Variants in BANK1 observed in about 807,000 individuals in gnomAD.
BANK1 encodes the protein B cell scaffold protein with ankyrin repeats 1.
A neutral mutation model predicts 94.5 loss-of-function variants in BANK1; 95 were observed. That is an observed-to-expected ratio of 1.00 (90% CI 0.85 to 1.19). The LOEUF (loss-of-function observed/expected upper bound fraction) is 1.19. Ranked by LOEUF, BANK1 falls within the 50% of genes most tolerant of loss-of-function variation. BANK1 has a pLI of 0.00. For missense variants in BANK1, 987 were observed against 932.2 expected (o/e 1.06, Z -0.77); for synonymous variants, 334 against 308.4 (o/e 1.08, Z -0.87).
At chr4:101,848,865 T>G (rs1269220041) in intron 2 of BANK1, among the ~76,000 whole-genome samples, 1 of 152,162 alleles carries the variant, frequency 6.6e-6, no homozygotes, top group Non-Finnish European at 1.5e-5. Flanking sequence ...AGTCTCTCAT[T>G]CCAGGATCTT....
At chr4:101,816,765 CA>C (rs1268098948) in intron 1 of BANK1, among the ~76,000 whole-genome samples, 1 of 152,056 alleles carries the variant, frequency 6.6e-6, no homozygotes, top group Non-Finnish European at 1.5e-5. Context: ...TTCTTACAAC[CA>C]AATTATAATT....
chr4:101,955,652 A>G (rs985191683), intron 7 of BANK1, among the ~76,000 whole-genome samples: 11 of 152,194 alleles, frequency 7.2e-5, no homozygotes, highest in Admixed American at 2.0e-4. Context: ...TGTCTCTTTA[A>G]TGATTGTTTC....
At chr4:102,003,954 C>T (rs1726163938) in intron 7 of BANK1, among the ~76,000 whole-genome samples, 1 of 150,710 alleles carries the variant, frequency 6.6e-6, no homozygotes, top group South Asian at 2.1e-4. Flanking sequence ...TATATACACA[C>T]ATATATGTGT....
intron 2 of BANK1, among the ~76,000 whole-genome samples, chr4:101,843,964 C>T (rs1415754250): frequency 6.6e-6 from 1 of 152,042 alleles, no homozygotes; most frequent in African/African-American, 2.4e-5. Context: ...TATATGGCTA[C>T]AAGAATAATT....
intron 6 of BANK1, among the ~76,000 whole-genome samples, chr4:101,899,264 A>G (rs1366326461): frequency 6.6e-6 from 1 of 152,154 alleles, no homozygotes; most frequent in Non-Finnish European, 1.5e-5. Flanking sequence ...ACACATCATC[A>G]TTAAGTAAAC....
At chr4:101,847,989 C>T (rs1303586556) in intron 2 of BANK1, among the ~76,000 whole-genome samples, 7 of 152,156 alleles carry the variant, frequency 4.6e-5, no homozygotes, top group Non-Finnish European at 8.8e-5. Context: ...CCTTTGGCGC[C>T]AGCGAGGAAT....
intron 5 of BANK1, among the ~76,000 whole-genome samples, chr4:101,884,406 T>G (rs975099795): frequency 6.6e-6 from 1 of 152,190 alleles, no homozygotes; most frequent in African/African-American, 2.4e-5. Flanking sequence ...GGTTTTCCTC[T>G]CACTTCTGTG....
intron 7 of BANK1, among the ~76,000 whole-genome samples, chr4:102,008,469 G>C (rs1726376300): frequency 6.6e-6 from 1 of 152,118 alleles, no homozygotes; most frequent in African/African-American, 2.4e-5. Flanking sequence ...ATCTTAGAAA[G>C]GAGTTGTAAA....
At chr4:102,016,533 T>C (rs898829059) in intron 7 of BANK1, among the ~76,000 whole-genome samples, 1 of 152,214 alleles carries the variant, frequency 6.6e-6, no homozygotes, top group Non-Finnish European at 1.5e-5. Context: ...ATTGGATTCA[T>C]CACCCTCGTT....
At chr4:101,912,187 T>C (rs1017271325) in intron 6 of BANK1, among the ~76,000 whole-genome samples, 1 of 152,158 alleles carries the variant, frequency 6.6e-6, no homozygotes, top group African/African-American at 2.4e-5. Context: ...TGAAATTCTT[T>C]GAAATTCTAG....
chr4:102,012,368 C>A (rs1726538166), intron 7 of BANK1, among the ~76,000 whole-genome samples: 1 of 139,780 alleles, frequency 7.2e-6, no homozygotes, highest in Non-Finnish European at 1.5e-5. Context: ...GTTTTTAGGT[C>A]TTTTATGTTG....
chr4:101,882,613 G>C (rs1728719131), intron 5 of BANK1, among the ~76,000 whole-genome samples: 1 of 152,212 alleles, frequency 6.6e-6, no homozygotes, highest in African/African-American at 2.4e-5. Context: ...GCAGGAGCAA[G>C]AGTTAGATTC....
Position 102,060,332 on chromosome 4 carries a change from T to C in BANK1, c.2091T>C (p.Ala697=), listed in dbSNP as rs1255171743. ...ATGGGAAAATGTCTATGGATGAAGC[T>C]CTGGAGAAATTTAAACACTGGCAGA... The part of the protein sequence containing the change: ...VKNGKMSMDE[A]LEKFKHWQMG... Residue 697 remains alanine, a synonymous_variant, in exon 12 of 17, where the codon GCT becomes GCC. Coordinates refer to ENST00000322953, the MANE Select transcript of BANK1 (RefSeq NM_017935.5). 6.2e-7 allele frequency: 1 copy of C among 1,610,970 alleles called. No individual in the cohort carries two copies. The highest frequency in any genetic ancestry group is 2.2e-5 in the East Asian group (1 of 44,582).
chr4:102,019,263 C>T (rs1237628415), intron 7 of BANK1, among the ~76,000 whole-genome samples: 3 of 151,984 alleles, frequency 2.0e-5, no homozygotes, highest in African/African-American at 7.3e-5. Context: ...CAATAGTTAA[C>T]AGAGTATTTA....
At chr4:101,853,218 A>G (rs939990520) in intron 2 of BANK1, among the ~76,000 whole-genome samples, 1 of 152,240 alleles carries the variant, frequency 6.6e-6, no homozygotes, top group South Asian at 2.1e-4. Flanking sequence ...TGCAACTTTC[A>G]TAAGACAGAA....
chr4:102,007,234 A>G (rs1183144530), intron 7 of BANK1, among the ~76,000 whole-genome samples: 1 of 144,374 alleles, frequency 6.9e-6, no homozygotes, highest in Non-Finnish European at 1.5e-5. Context: ...AAAAAAAATG[A>G]AAATGTATAT....
intron 7 of BANK1, among the ~76,000 whole-genome samples, chr4:101,924,469 T>C (rs974228356): frequency 1.3e-5 from 2 of 151,730 alleles, no homozygotes; most frequent in African/African-American, 2.4e-5. Flanking sequence ...CAGAATATAG[T>C]TTTTTAAAAG....
Position 101,895,345 on chromosome 4 carries a change from T to G in BANK1, c.944T>G (p.Phe315Cys). 6.3e-7 allele frequency: 1 copy of G among 1,595,868 alleles called. No homozygotes were observed. Among genetic ancestry groups the G allele is most frequent in the South Asian group, 1.1e-5 (1 of 88,660 alleles). ...CTTGATGGTGTCCTTACATCCATATTCAAACATGAGATACCATATTATGAG... is the reference window on the plus strand; with the variant it reads ...CTTGATGGTGTCCTTACATCCATATGCAAACATGAGATACCATATTATGAG... Reference protein sequence around the residue: ...EELDGVLTSIFKHEIPYYEFQ... With the variant: ...EELDGVLTSICKHEIPYYEFQ... Residue 315 changes from phenylalanine (F) to cysteine (C), a missense_variant, in exon 6 of 17, where the codon TTC becomes TGC. By Grantham distance (205) the Phe-to-Cys change is radical. Coordinates refer to ENST00000322953, the MANE Select transcript of BANK1 (RefSeq NM_017935.5).
intron 7 of BANK1, among the ~76,000 whole-genome samples, chr4:101,946,348 C>T (rs768924598): frequency 2.6e-5 from 4 of 151,960 alleles, no homozygotes; most frequent in East Asian, 2.0e-4. Flanking sequence ...TGTGTTGGCA[C>T]GTAATAGATA....
Sources: allele counts gnomAD v4.1 joint callset (sites outside exome capture counted in the v4.1 genomes callset), GRCh38; gene constraint gnomAD v4.1.1; transcripts MANE v1.5; gene names NCBI Gene and HGNC (gene_info 2026-07-23, HGNC 2026-07-21).